The following CHM variants were observed in gnomAD, a reference collection of about 807,000 sequenced individuals.
CHM encodes rab proteins geranylgeranyltransferase component A 1.
In CHM, 10 loss-of-function variants were observed where a neutral mutation model predicts 49.0. That is an observed-to-expected ratio of 0.20 (90% CI 0.13 to 0.35). The LOEUF is 0.35. CHM is among the 10% of genes least tolerant of loss of function. CHM has a pLI of 1.00. For missense variants in CHM, 455 were observed against 478.4 expected, an observed-to-expected ratio of 0.95 and a Z score of 0.46; for synonymous variants, 184 against 167.5, an observed-to-expected ratio of 1.10 and a Z score of -0.76.
intron 9 of CHM, among the ~76,000 whole-genome samples, chrX:85,908,188 T>A (rs1339491250): frequency 8.9e-6 from 1 of 112,296 alleles, no homozygotes; most frequent in Non-Finnish European, 1.9e-5. Flanking sequence ...TAACAATTGT[T>A]TAAGCCAGCC....
intron 8 of CHM, among the ~76,000 whole-genome samples, chrX:85,939,133 ATATAGTAGGTTG>A (rs1286785274): frequency 1.2e-4 from 13 of 112,271 alleles, no homozygotes; most frequent in African/African-American, 4.2e-4. Flanking sequence ...CAGTCTAGGC[ATATAGTAGGTTG>A]TATCATCTAG....
At chrX:86,005,513 G>C (rs918052526) in intron 2 of CHM, among the ~76,000 whole-genome samples, 1 of 111,457 alleles carries the variant, frequency 9.0e-6, no homozygotes, top group Admixed American at 9.5e-5. Context: ...TTGATAGAGA[G>C]CTAGAAAGAC....
At chrX:85,899,087 A>G (rs1027049909) in intron 11 of CHM, among the ~76,000 whole-genome samples, 2 of 112,229 alleles carry the variant, frequency 1.8e-5, no homozygotes, top group Non-Finnish European at 3.8e-5. Context: ...GAACTTTAGG[A>G]GCCTACTTTT....
At chrX:85,900,541 A>G (rs1926193589) in intron 11 of CHM, 105 bp downstream of exon 11, 4 of 551,084 alleles carry the variant, frequency 7.3e-6, no homozygotes, top group Admixed American at 2.8e-5. Flanking sequence ...ATGTAAAGAC[A>G]TATGTTAATT....
At chrX:86,034,476 C>T (rs1198559015) in intron 1 of CHM, among the ~76,000 whole-genome samples, 1 of 111,865 alleles carries the variant, frequency 8.9e-6, no homozygotes. Flanking sequence ...CTGTAACACC[C>T]ACATGGTATT....
rs1011812025 is a variant in CHM, at chrX:85,911,892, A to G, written c.1167-554T>C. Among the ~76,000 whole-genome samples, 4 of 111,468 alleles carry G rather than the reference A, an allele frequency of 3.6e-5. No homozygotes were observed. The East Asian group carries it at 8.5e-4, about 24-fold the overall frequency. ...TCTATCTCAGTAGTAATCTAAGTGC[A>G]TAAGTTTTAATGCACACATAAGGAG... On this transcript the variant is annotated intron_variant, in intron 8 of 14. Transcript: ENST00000357749.
intron 4 of CHM, among the ~76,000 whole-genome samples, chrX:85,967,537 A>G (rs1174151019): frequency 1.8e-5 from 2 of 111,647 alleles, no homozygotes; most frequent in Non-Finnish European, 3.8e-5. Flanking sequence ...TAATACCCCA[A>G]TAAAACCATT....
At chrX:85,956,617 TA>T (rs1003526196) in intron 7 of CHM, among the ~76,000 whole-genome samples, 6 of 111,093 alleles carry the variant, frequency 5.4e-5, no homozygotes, top group African/African-American at 1.6e-4. Flanking sequence ...TTCATGGATT[TA>T]AAAAAAACTA....
At chrX:85,913,855 A>G (rs747925057) in intron 8 of CHM, among the ~76,000 whole-genome samples, 65 of 110,483 alleles carry the variant, frequency 5.9e-4, no homozygotes, top group African/African-American at 2.1e-3. Flanking sequence ...ACCAAGCGAG[A>G]CCAGACAATC....
At chrX:86,036,589 A>G (rs1934254437) in intron 1 of CHM, among the ~76,000 whole-genome samples, 1 of 111,731 alleles carries the variant, frequency 9.0e-6, no homozygotes, top group African/African-American at 3.3e-5. Context: ...GGGGGAGGGT[A>G]TTCTCTATAG....
intron 8 of CHM, among the ~76,000 whole-genome samples, chrX:85,947,085 TC>T (rs953192922): frequency 4.4e-5 from 5 of 112,613 alleles, no homozygotes; most frequent in Admixed American, 1.9e-4. Context: ...GGAACTCATT[TC>T]CAGAAAAGAA....
At chrX:86,039,504 C>T (rs751464570) in intron 1 of CHM, among the ~76,000 whole-genome samples, 1 of 95,192 alleles carries the variant, frequency 1.1e-5, no homozygotes, top group Non-Finnish European at 2.1e-5. Flanking sequence ...GAACACTGGC[C>T]TAGACCAAAA....
At chrX:85,995,376 A>C (rs994243348) in intron 2 of CHM, among the ~76,000 whole-genome samples, 1 of 108,602 alleles carries the variant, frequency 9.2e-6, no homozygotes, top group African/African-American at 3.4e-5. Flanking sequence ...CCTCACAGTG[A>C]CTCTTCAAAT....
chrX:85,979,603 T>C (rs890883141), intron 3 of CHM, among the ~76,000 whole-genome samples: 4 of 111,794 alleles, frequency 3.6e-5, no homozygotes, highest in Admixed American at 9.5e-5. Flanking sequence ...TGTCAAGATA[T>C]ACCTTTTTCA....
At chrX:85,944,577 T>C (rs779541986) in intron 8 of CHM, among the ~76,000 whole-genome samples, 2 of 112,063 alleles carry the variant, frequency 1.8e-5, no homozygotes, top group Non-Finnish European at 3.8e-5. Context: ...TATCCATTTA[T>C]ATATTTGTAA....
chrX:85,867,865 T>C (rs765910951), intron 14 of CHM, among the ~76,000 whole-genome samples: 4 of 112,377 alleles, frequency 3.6e-5, no homozygotes, highest in African/African-American at 1.3e-4. Flanking sequence ...AAGGGTATGT[T>C]CTTGGACATG....
At chrX:86,022,032 G>A (rs1206385294) in intron 2 of CHM, among the ~76,000 whole-genome samples, 1 of 111,676 alleles carries the variant, frequency 9.0e-6, no homozygotes, top group Admixed American at 9.5e-5. Context: ...TGGAAGAGCA[G>A]TAGAAAATAG....
intron 12 of CHM, among the ~76,000 whole-genome samples, chrX:85,881,946 GT>G (rs1200150965): frequency 8.9e-6 from 1 of 111,907 alleles, no homozygotes; most frequent in Non-Finnish European, 1.9e-5. Flanking sequence ...GCCCTAGAAA[GT>G]TTCAAAAAAA....
chrX:85,876,714 A>G (rs924314260), intron 13 of CHM, among the ~76,000 whole-genome samples: 1 of 111,617 alleles, frequency 9.0e-6, no homozygotes, highest in Admixed American at 9.6e-5. Flanking sequence ...GCCTCAGTGC[A>G]CCTGAGGACC....
Sources: allele counts gnomAD v4.1 joint callset (sites outside exome capture counted in the v4.1 genomes callset), GRCh38; gene constraint gnomAD v4.1.1; transcripts MANE v1.5; gene names NCBI Gene and HGNC (gene_info 2026-07-23, HGNC 2026-07-21).